The following ABCA13 variants were observed in gnomAD, a reference collection of about 807,000 sequenced individuals.
ABCA13 encodes ATP binding cassette subfamily A member 13.
Under a neutral mutation model 478.7 loss-of-function variants are expected in ABCA13, and 476 were observed. The ratio of observed to expected loss-of-function variants is 0.99; its 90% CI spans 0.92 to 1.07. The LOEUF (loss-of-function observed/expected upper bound fraction) is 1.07, where lower values mean the gene tolerates loss of function less well. ABCA13 is among the 50% of genes least tolerant of loss of function. ABCA13 has a pLI of 0.00. For missense variants in ABCA13, 6,060 were observed against 5,910.6 expected, an observed-to-expected ratio of 1.03 and a Z score of -0.83; for synonymous variants, 2,252 against 2,158.9, an observed-to-expected ratio of 1.04 and a Z score of -1.20.
chr7:48,239,286 T>C lies in ABCA13; in HGVS notation c.943T>C (p.Ser315Pro), dbSNP rs779605323. ...SLEKMVCSVL[S>P]STSEDEAEKW... The stretch of plus-strand genomic sequence containing the variant: ...GGAGAAGATGGTGTGTTCAGTCTTG[T>C]CTAGCACATCAGAGGATGAAGCTGA... Residue 315 changes from serine (S) to proline (P), a missense_variant, in exon 9 of 62, where the codon TCT becomes CCT. Physicochemically the swap from Ser to Pro is moderately conservative, Grantham distance 74 (BLOSUM62 -1). Coordinates refer to ENST00000435803, the MANE Select transcript of ABCA13 (RefSeq NM_152701.5). 1.6e-5 allele frequency: 26 copies of C among 1,613,886 alleles called. No individual in the cohort carries two copies. The highest frequency in any genetic ancestry group is 1.7e-5 in the Non-Finnish European group (20 of 1,179,876).
intron 55 of ABCA13, among the ~76,000 whole-genome samples, chr7:48,549,580 C>T (rs986248352): frequency 4.0e-5 from 6 of 151,778 alleles, no homozygotes; most frequent in African/African-American, 1.5e-4. Flanking sequence ...GGTATATACC[C>T]AGTAATTGGA....
intron 27 of ABCA13, among the ~76,000 whole-genome samples, chr7:48,330,049 CCAT>C: frequency 6.6e-6 from 1 of 151,174 alleles, no homozygotes; most frequent in Non-Finnish European, 1.5e-5. Context: ...ATCCATCCAT[CCAT>C]CCATCCATCC....
At chr7:48,501,376 C>T (rs1476427228) in intron 48 of ABCA13, among the ~76,000 whole-genome samples, 1 of 152,140 alleles carries the variant, frequency 6.6e-6, no homozygotes, top group Non-Finnish European at 1.5e-5. Flanking sequence ...GAGCACTAAG[C>T]AGAAAGGCCC....
intron 55 of ABCA13, among the ~76,000 whole-genome samples, chr7:48,574,141 C>T (rs184228331): frequency 2.6e-5 from 4 of 151,952 alleles, no homozygotes; most frequent in African/African-American, 9.7e-5. Flanking sequence ...GGATGGGACA[C>T]GATTCAACCC....
At chr7:48,382,369 T>C (rs1814525946) in intron 35 of ABCA13, among the ~76,000 whole-genome samples, 1 of 152,208 alleles carries the variant, frequency 6.6e-6, no homozygotes, top group Non-Finnish European at 1.5e-5. Context: ...ATATCCTCAG[T>C]GGCTCTCAGG....
rs570578379 is a variant in ABCA13, at chr7:48,550,501, G to A, written c.14354+22156G>A. 4.7e-3 allele frequency among the ~76,000 whole-genome samples: 711 copies of A among 151,226 alleles called. 5 individuals are homozygous for A. The highest frequency in any genetic ancestry group is 0.016 in the African/African-American group (663 of 41,352). ...TTGAACTCCTGGCCTCAAGTGATCCGCCCCCCCTCAGCCTCCCAAAGTGCT... is the reference window on the plus strand; with the variant it reads ...TTGAACTCCTGGCCTCAAGTGATCCACCCCCCCTCAGCCTCCCAAAGTGCT... On this transcript the variant is annotated intron_variant, in intron 55 of 61. Transcript: ENST00000435803.
intron 15 of ABCA13, among the ~76,000 whole-genome samples, chr7:48,266,902 A>G (rs925451689): frequency 1.4e-4 from 22 of 151,924 alleles, no homozygotes; most frequent in African/African-American, 4.8e-4. Context: ...ATTCAGTTCA[A>G]AGTACTTTCT....
intron 51 of ABCA13, among the ~76,000 whole-genome samples, chr7:48,514,835 T>C (rs1415471305): frequency 6.6e-6 from 1 of 152,208 alleles, no homozygotes; most frequent in African/African-American, 2.4e-5. Context: ...AATTAGTTGA[T>C]TGTCTTATGT....
At chr7:48,512,117 A>AAG (rs1000490470) in intron 51 of ABCA13, among the ~76,000 whole-genome samples, 2 of 151,802 alleles carry the variant, frequency 1.3e-5, no homozygotes, top group African/African-American at 4.8e-5. Context: ...AAGAGACACT[A>AAG]AGAGAGAGAG....
chr7:48,552,227 T>TAAAGGA (rs1785393372), intron 55 of ABCA13, among the ~76,000 whole-genome samples: 1 of 152,026 alleles, frequency 6.6e-6, no homozygotes, highest in Non-Finnish European at 1.5e-5. Context: ...CCTTGGGTTT[T>TAAAGGA]ATGTTTCTAT....
rs1309181885 is a variant in ABCA13 at position 48,560,637 on chromosome 7, AT to A, written c.14355-19586del. ...CTCTATTGTGATTTTTGATGAGAAT[AT>A]GGAATAACTAAATTAAGCTGATTAG... On this transcript the variant is annotated intron_variant, in intron 55 of 61. Coordinates refer to ENST00000435803, the MANE Select transcript of ABCA13 (RefSeq NM_152701.5). Among the ~76,000 whole-genome samples the A allele has an allele frequency of 2.6e-5, 4 of 152,306 alleles. No homozygotes were observed. In the East Asian group the frequency reaches 7.7e-4, roughly 29 times the overall value.
At chr7:48,503,966 A>G (rs947306944) in intron 48 of ABCA13, among the ~76,000 whole-genome samples, 6 of 152,248 alleles carry the variant, frequency 3.9e-5, no homozygotes, top group Non-Finnish European at 7.3e-5. Flanking sequence ...ATATCAAAAC[A>G]TTACATAGTA....
chr7:48,573,594 C>T (rs777214639), intron 55 of ABCA13, among the ~76,000 whole-genome samples: 1 of 151,882 alleles, frequency 6.6e-6, no homozygotes, highest in African/African-American at 2.4e-5. Context: ...ATTAGCCAGG[C>T]CTGATGGTGC....
chr7:48,328,269 T>C (rs1004455730), intron 27 of ABCA13, among the ~76,000 whole-genome samples: 6 of 152,118 alleles, frequency 3.9e-5, no homozygotes, highest in African/African-American at 1.4e-4. Flanking sequence ...TCAAGGTCTT[T>C]CCCAGGGAGC....
intron 44 of ABCA13, 50 bp downstream of exon 44, chr7:48,467,095 T>C (rs768555233): frequency 3.1e-5 from 48 of 1,528,174 alleles, no homozygotes; most frequent in Middle Eastern, 3.4e-4. Context: ...ACTGGTAATA[T>C]TGTAGCCTGG....
chr7:48,418,994 GGTGGA>G (rs1820392565), intron 41 of ABCA13, among the ~76,000 whole-genome samples: 1 of 152,202 alleles, frequency 6.6e-6, no homozygotes, highest in African/African-American at 2.4e-5. Context: ...GGGGATGGAA[GGTGGA>G]AGGCAAAGAG....
Position 48,249,107 on chromosome 7 carries a change from T to G in ABCA13, c.1866-105T>G, listed in dbSNP as rs1326164691. The G allele has an allele frequency of 5.5e-6, 5 of 916,712 alleles. No individual in the cohort carries two copies. The Admixed American group carries it at 1.2e-4, about 22-fold the overall frequency. 56.8% of individuals were successfully genotyped at this position (916,712 alleles called of 1,614,324 possible). On this transcript the variant is annotated intron_variant, in intron 14 of 61. Transcript: ENST00000435803. ...ATTCTATTTCCTTACATAAGTGGAC[T>G]GCCATGCATTTGCATATATTTGTTT...
chr7:48,187,297 C>T (rs542140772), intron 1 of ABCA13, among the ~76,000 whole-genome samples: 110 of 148,916 alleles, frequency 7.4e-4, no homozygotes, highest in African/African-American at 2.6e-3. Flanking sequence ...GTCTAGACAC[C>T]TGTAGTAGTA....
chr7:48,449,276 A>G (rs1382042734), intron 42 of ABCA13, among the ~76,000 whole-genome samples: 1 of 151,164 alleles, frequency 6.6e-6, no homozygotes, highest in Non-Finnish European at 1.5e-5. Flanking sequence ...TCCCTTTCCT[A>G]TTTCCTCTCT....
Sources: allele counts gnomAD v4.1 joint callset (sites outside exome capture counted in the v4.1 genomes callset), GRCh38; gene constraint gnomAD v4.1.1; transcripts MANE v1.5; gene names NCBI Gene and HGNC (gene_info 2026-07-23, HGNC 2026-07-21).